Variants in RNF213 observed in about 807,000 individuals in gnomAD.
RNF213 encodes the protein E3 ubiquitin-protein ligase RNF213.
A neutral mutation model predicts 514.4 loss-of-function variants in RNF213; 341 were observed. That is an observed-to-expected ratio of 0.66 (90% CI 0.61 to 0.73). The LOEUF is 0.73. Ranked by LOEUF, RNF213 falls within the 30% of genes least tolerant of loss-of-function variation. The pLI is 0.00. For synonymous variants in RNF213, 2,655 were observed against 2,658.2 expected, an observed-to-expected ratio of 1.00 and a Z score of 0.04; for missense variants, 5,767 against 6,615.6, an observed-to-expected ratio of 0.87 and a Z score of 4.45.
chr17:80,344,930 C>T lies in RNF213; in HGVS notation c.6595C>T (p.Gln2199Ter), dbSNP rs369737066. The change falls in exon 29 of 68, where the codon CAG becomes TAG. Residue 2199 changes from glutamine to a stop codon, truncating the protein, a stop_gained. Transcript: ENST00000582970. LOFTEE classifies it high-confidence loss of function. ...CGAAGGCACCCCGGAGGAATGCCTC[C>T]AGCATTTCCTGTTTCACTGCGGGGT... ...SVEGTPEECL[Q>*]HFLFHCGVIN... The T allele has an allele frequency of 1.2e-6, 2 of 1,614,160 alleles. No individual in the cohort carries two copies. Among genetic ancestry groups the T allele is most frequent in the Non-Finnish European group, 1.7e-6 (2 of 1,180,028 alleles).
intron 36 of RNF213, among the ~76,000 whole-genome samples, chr17:80,356,262 G>C (rs562682905): frequency 7.2e-5 from 11 of 152,238 alleles, no homozygotes; most frequent in African/African-American, 2.6e-4. Flanking sequence ...TCAGCCTCCC[G>C]AAGTGCTGGG....
At chr17:80,325,311 A>T in intron 18 of RNF213, 113 bp downstream of exon 18, 2 of 1,104,258 alleles carry the variant, frequency 1.8e-6, no homozygotes, top group Non-Finnish European at 2.5e-6. Flanking sequence ...GGATGGGCTG[A>T]TGTTTGACAA....
rs1028077733 is a variant in RNF213, at chr17:80,263,484, G to T, written c.-108-90G>T. 1.7e-6 allele frequency: 1 copy of T among 605,906 alleles called. No homozygotes were observed. Among genetic ancestry groups the T allele is most frequent in the African/African-American group, 1.8e-5 (1 of 54,858 alleles). 37.5% of individuals were successfully genotyped at this position (605,906 alleles called of 1,614,324 possible). Reference sequence around the variant, plus strand: ...GCTTGAGAGCCAAGGGGGCAGCACAGAGCGGGGAGGGGCTGGGCTTGGGCT... The same window carrying T: ...GCTTGAGAGCCAAGGGGGCAGCACATAGCGGGGAGGGGCTGGGCTTGGGCT... On this transcript the variant is annotated intron_variant, in intron 1 of 67. Coordinates refer to ENST00000582970, the MANE Select transcript of RNF213 (RefSeq NM_001256071.3). The surrounding 1 kb of genome is among the most constrained non-coding windows in gnomAD (Gnocchi z 4.9).
At chr17:80,336,015 G>A (rs1049226882) in intron 22 of RNF213, 146 bp from the exon 23 acceptor site, 9 of 629,944 alleles carry the variant, frequency 1.4e-5, no homozygotes, top group South Asian at 4.1e-5. Flanking sequence ...TAGGTGTTCC[G>A]GACTCTTACT....
chr17:80,352,874 T>TG, intron 32 of RNF213, 66 bp from the exon 33 acceptor site: 1 of 1,610,224 alleles, frequency 6.2e-7, no homozygotes, highest in Non-Finnish European at 8.5e-7. Context: ...GCAATGTCCC[T>TG]GCTTAGGGCT....
chr17:80,307,031 C>T, intron 12 of RNF213, 97 bp from the exon 13 acceptor site: 2 of 1,145,534 alleles, frequency 1.7e-6, no homozygotes, highest in South Asian at 1.2e-5. Context: ...CAATGTATAC[C>T]ATATTGATGT....
rs1486109719 is a variant in RNF213 at position 80,264,746 on chromosome 17, CT to C, written c.97+969del. Among the ~76,000 whole-genome samples the C allele has an allele frequency of 6.6e-6, 1 of 152,154 alleles. No homozygotes were observed. The highest frequency in any genetic ancestry group is 1.5e-5 in the Non-Finnish European group (1 of 68,030). ...ACAGACCCCCTTACAAGATCCGCCC[CT>C]GCCCCCGCTGTAACTCAGGACAAGC... On this transcript the variant is annotated intron_variant, in intron 2 of 67. Coordinates refer to ENST00000582970, the MANE Select transcript of RNF213 (RefSeq NM_001256071.3). This position sits in a 1 kb window ranked among gnomAD's most constrained non-coding sequence, Gnocchi z 5.0.
chr17:80,343,917 A>G lies in RNF213; in HGVS notation c.6244A>G (p.Ile2082Val), dbSNP rs1431277815. The stretch of plus-strand genomic sequence containing the variant: ...CCTCATTTTACAATACTTAATGGAT[A>G]TAAATGGGAAAATGTGGCTTCGGAA... The part of the protein sequence containing the change: ...KLLILQYLMD[I>V]NGKMWLRNPC... The change falls in exon 28 of 68, where the codon ATA becomes GTA. Residue 2082 changes from isoleucine (I) to valine (V), a missense_variant. Around this residue, in one of 13 missense-constraint regions of RNF213, gnomAD observed 1,377 missense variants for 1,635.2 expected, o/e 0.84. Transcript: ENST00000582970. The surrounding 1 kb of genome is among the most constrained non-coding windows in gnomAD (Gnocchi z 4.3). 1.2e-6 allele frequency: 2 copies of G among 1,614,202 alleles called. No homozygotes were observed. Among genetic ancestry groups the G allele is most frequent in the East Asian group, 4.5e-5 (2 of 44,890 alleles).
rs576067703 is a variant in RNF213, at chr17:80,379,484, G to A, written c.13546-136G>A. ...GTTCCCATGGGTTCTCCACCCACCC[G>A]AAACAAGCACACACTGGGACAATCT... is the stretch of plus-strand genomic sequence containing the variant. On this transcript the variant is annotated intron_variant, in intron 54 of 67. Coordinates refer to ENST00000582970, the MANE Select transcript of RNF213 (RefSeq NM_001256071.3). 1.5e-3 allele frequency: 1,305 copies of A among 868,096 alleles called. 7 individuals carry two copies. The highest frequency in any genetic ancestry group is 1.8e-3 in the Non-Finnish European group (947 of 518,358). 53.8% of individuals were successfully genotyped at this position (868,096 alleles called of 1,614,324 possible). A position where few individuals can be genotyped will look rare whatever the true frequency, so the allele number is the denominator to read the frequency against.
rs2079177580 is a variant in RNF213, at chr17:80,364,428, G to C, written c.11751-5G>C. ...GAGTGAGTGAGTGGCGCCCTCTTTT[G>C]ACAGAGCCCAGTGGAGTCGGATTTT... On this transcript the variant is annotated splice_polypyrimidine_tract_variant and splice_region_variant and intron_variant, in intron 41 of 67. Coordinates refer to ENST00000582970, the MANE Select transcript of RNF213 (RefSeq NM_001256071.3). The C allele has an allele frequency of 6.2e-7, 1 of 1,614,132 alleles. No homozygotes were observed. The highest frequency in any genetic ancestry group is 1.3e-5 in the African/African-American group (1 of 75,034).
chr17:80,391,997 A>C (rs922399945), intron 67 of RNF213, among the ~76,000 whole-genome samples: 1 of 151,708 alleles, frequency 6.6e-6, no homozygotes, highest in Non-Finnish European at 1.5e-5. Context: ...CGATCTCCTG[A>C]CCTCAAGTGA....
intron 42 of RNF213, among the ~76,000 whole-genome samples, chr17:80,367,110 G>A (rs1458001196): frequency 1.4e-5 from 2 of 140,544 alleles, no homozygotes; most frequent in Non-Finnish European, 3.2e-5. Flanking sequence ...GGAGTGATCT[G>A]GACCTAAGGT....
At chr17:80,392,190 AAT>A (rs2080502975) in intron 67 of RNF213, among the ~76,000 whole-genome samples, 3 of 152,166 alleles carry the variant, frequency 2.0e-5, no homozygotes, top group South Asian at 4.1e-4. Context: ...CTTCCTCACC[AAT>A]ATGTTTCCTA....
chr17:80,306,031 G>C (rs574519089), intron 11 of RNF213, among the ~76,000 whole-genome samples: 107 of 151,942 alleles, frequency 7.0e-4, no homozygotes, highest in African/African-American at 2.3e-3. Flanking sequence ...GGCCTCACTA[G>C]GTTCCCCAGG....
intron 2 of RNF213, among the ~76,000 whole-genome samples, chr17:80,266,502 A>C (rs2043616011): frequency 6.6e-6 from 1 of 151,552 alleles, no homozygotes; most frequent in Admixed American, 6.6e-5. Flanking sequence ...ATTTTTTAAA[A>C]TTTTATTTCA....
chr17:80,287,950 C>A lies in RNF213; in HGVS notation c.397C>A (p.Leu133Met), dbSNP rs149177904. Reference sequence around the variant, plus strand: ...AAACCCGTGGCCTCAGGACACAGCCCTGCCCCACAGCCAAGCCCAGCAGAG... The same window carrying A: ...AAACCCGTGGCCTCAGGACACAGCCATGCCCCACAGCCAAGCCCAGCAGAG... ...LSNPWPQDTA[L>M]PHSQAQQSGP... Residue 133 changes from leucine to methionine, a missense_variant, in exon 4 of 68, where the codon CTG becomes ATG. By Grantham distance (15) the Leu-to-Met change is conservative. Around this residue, in one of 13 missense-constraint regions of RNF213, gnomAD observed 509 missense variants for 496.7 expected, o/e 1.02. Transcript: ENST00000582970. 2,718 of 1,570,594 alleles carry A rather than the reference C, an allele frequency of 1.7e-3. 2 individuals are homozygous for A. Among genetic ancestry groups the A allele is most frequent in the Non-Finnish European group, 2.2e-3 (2,524 of 1,157,904 alleles).
At chr17:80,313,648 TG>T (rs1223129543) in intron 15 of RNF213, among the ~76,000 whole-genome samples, 2 of 143,286 alleles carry the variant, frequency 1.4e-5, no homozygotes, top group Admixed American at 6.9e-5. Context: ...GTGATGGTGA[TG>T]GTTGTGGAGG....
chr17:80,301,932 G>C (rs2045193264), intron 11 of RNF213, among the ~76,000 whole-genome samples: 1 of 152,208 alleles, frequency 6.6e-6, no homozygotes, highest in South Asian at 2.1e-4. Flanking sequence ...TATATACACA[G>C]TAGAATACTA....
At chr17:80,354,716 G>GT in intron 36 of RNF213, 140 bp downstream of exon 36, 1 of 1,127,956 alleles carries the variant, frequency 8.9e-7, no homozygotes, top group Non-Finnish European at 1.3e-6. Flanking sequence ...AAGCTGTAAA[G>GT]TTTTTCCCCA....
Sources: gnomAD v4.1 joint callset for allele counts (sites outside exome capture counted in the v4.1 genomes callset) on GRCh38, gnomAD v4.1.1 for gene constraint, gnomAD v4.1.1 regional missense constraint, Gnocchi (gnomAD v3.1) non-coding constraint, MANE v1.5 for transcripts, NCBI Gene and HGNC (gene_info 2026-07-23, HGNC 2026-07-21) for gene names.